The following RFX3 variants were observed in gnomAD, a reference collection of about 807,000 sequenced individuals.
RFX3 encodes transcription factor RFX3.
In RFX3, 14 loss-of-function variants were observed where a neutral mutation model predicts 98.6. The ratio of observed to expected loss-of-function variants is 0.14; its 90% CI spans 0.09 to 0.22. The LOEUF is 0.22. Among genes scored for constraint, RFX3 ranks in the 10% least tolerant of loss-of-function variants. The pLI is 1.00. For missense variants in RFX3, 639 were observed against 926.9 expected, an observed-to-expected ratio of 0.69 and a Z score of 4.03; for synonymous variants, 383 against 328.4, an observed-to-expected ratio of 1.17 and a Z score of -1.80.
intron 9 of RFX3, among the ~76,000 whole-genome samples, chr9:3,271,877 G>A (rs949569918): frequency 2.0e-5 from 3 of 152,090 alleles, no homozygotes; most frequent in Non-Finnish European, 4.4e-5. Context: ...CTGCCTCTCT[G>A]GGCATAGCAT....
intron 4 of RFX3, among the ~76,000 whole-genome samples, chr9:3,320,768 CATATATATATATATATATATATAT>C (rs34990458): frequency 0.01 from 874 of 85,898 alleles, 16 homozygotes; most frequent in Non-Finnish European, 0.015. Context: ...TGCTACATAG[CATATATATATATATATATATATAT>C]ATATATATAT....
chr9:3,362,675 A>T (rs1385885224), intron 2 of RFX3, among the ~76,000 whole-genome samples: 1 of 152,196 alleles, frequency 6.6e-6, no homozygotes, highest in Non-Finnish European at 1.5e-5. Context: ...TCTTGAGAAG[A>T]ATAATATGAA....
intron 1 of RFX3, chr9:3,400,204 G>A: frequency 1.0e-6 from 1 of 980,270 alleles, no homozygotes; most frequent in Non-Finnish European, 1.2e-6. Context: ...GCTGCACAAA[G>A]ACAAGTAAGA....
At position 3,270,414 on chromosome 9, in the gene RFX3, A is replaced by G; in HGVS notation, c.1314T>C (p.Ala438=). ...MCNCDHGMYQ[A]LVEILIPDVL... is the part of the protein sequence containing the mutation. ...CGTCGGGGATGAGAATCTCCACCAA[A>G]GCCTGGTACATCCCATGGTCACAGT... Residue 438 remains alanine (A), a synonymous_variant, in exon 11 of 17, where the codon GCT becomes GCC. Transcript: ENST00000617270. 6.2e-7 allele frequency: 1 copy of G among 1,613,828 alleles called. No individual in the cohort carries two copies. Among genetic ancestry groups the G allele is most frequent in the African/African-American group, 1.3e-5 (1 of 75,032 alleles).
intron 9 of RFX3, among the ~76,000 whole-genome samples, chr9:3,272,377 G>C (rs565201428): frequency 6.6e-6 from 1 of 152,240 alleles, no homozygotes; most frequent in African/African-American, 2.4e-5. Context: ...CTTCATATTT[G>C]TTGAGTTTGG....
chr9:3,403,428 T>C (rs1429124488), intron 1 of RFX3, among the ~76,000 whole-genome samples: 3 of 152,162 alleles, frequency 2.0e-5, no homozygotes, highest in South Asian at 2.1e-4. Flanking sequence ...AATTGATCTG[T>C]AGAAAAATGA....
chr9:3,505,822 G>A (rs1246272303), intron 1 of RFX3, among the ~76,000 whole-genome samples: 1 of 148,450 alleles, frequency 6.7e-6, no homozygotes, highest in Non-Finnish European at 1.5e-5. Flanking sequence ...CCATAGCATT[G>A]ACAACCATCT....
chr9:3,477,858 G>T (rs752638943), intron 1 of RFX3, among the ~76,000 whole-genome samples: 1 of 152,026 alleles, frequency 6.6e-6, no homozygotes, highest in Non-Finnish European at 1.5e-5. Flanking sequence ...TCCTCACATT[G>T]AACAATCTCT....
At chr9:3,517,534 C>T (rs1229840968) in intron 1 of RFX3, among the ~76,000 whole-genome samples, 1 of 152,130 alleles carries the variant, frequency 6.6e-6, no homozygotes, top group Non-Finnish European at 1.5e-5. Flanking sequence ...CAAGAACCTT[C>T]AGAAATCTTG....
At chr9:3,368,081 C>G (rs933911062) in intron 2 of RFX3, among the ~76,000 whole-genome samples, 1 of 152,188 alleles carries the variant, frequency 6.6e-6, no homozygotes, top group Non-Finnish European at 1.5e-5. Context: ...CTCAGTTCCA[C>G]TAGCATAAAT....
rs375165507 is a variant in RFX3, at chr9:3,401,074, CCAA to C, written c.-8-5481_-8-5479del. Among the ~76,000 whole-genome samples the C allele has an allele frequency of 8.2e-4, 125 of 152,266 alleles. 3 individuals carry two copies. In the South Asian group the frequency reaches 0.025, roughly 30 times the overall value. Reference sequence around the variant, plus strand: ...AATCGATATTACATGATTTACACTTCCAACAACAACAGAAAGACATCCCCTCTC... The same window carrying C: ...AATCGATATTACATGATTTACACTTCCAACAACAGAAAGACATCCCCTCTC... On this transcript the variant is annotated intron_variant, in intron 1 of 16. Transcript: ENST00000617270.
At chr9:3,404,081 T>C (rs1841734927) in intron 1 of RFX3, among the ~76,000 whole-genome samples, 1 of 152,142 alleles carries the variant, frequency 6.6e-6, no homozygotes, top group South Asian at 2.1e-4. Context: ...TATAATAACA[T>C]TGCTAATAAT....
At chr9:3,412,684 T>A (rs1462207565) in intron 1 of RFX3, among the ~76,000 whole-genome samples, 1 of 152,118 alleles carries the variant, frequency 6.6e-6, no homozygotes, top group Non-Finnish European at 1.5e-5. Flanking sequence ...CTTAAAATAA[T>A]AGGATTCTGT....
chr9:3,451,952 C>T (rs567070124), intron 1 of RFX3, among the ~76,000 whole-genome samples: 72 of 151,596 alleles, frequency 4.7e-4, no homozygotes, highest in African/African-American at 1.7e-3. Context: ...TACAATTCTT[C>T]GTTACACTCT....
chr9:3,385,726 A>G (rs951928983), intron 2 of RFX3, among the ~76,000 whole-genome samples: 1 of 146,804 alleles, frequency 6.8e-6, no homozygotes, highest in African/African-American at 2.6e-5. Context: ...AAAAGAAAAG[A>G]AAACTCCTTG....
intron 2 of RFX3, among the ~76,000 whole-genome samples, chr9:3,348,201 A>T (rs756239923): frequency 6.6e-6 from 1 of 152,190 alleles, no homozygotes; most frequent in Non-Finnish European, 1.5e-5. Context: ...GCATCCTGAA[A>T]TGTCATTTAA....
chr9:3,497,639 T>A lies in RFX3; in HGVS notation c.-9+28108A>T, dbSNP rs73387745. ...ATGGGAAATGCCACTGTGGACAAAC[T>A]ATTATTACAGGAATGTGAAAGAATA... On this transcript the variant is annotated intron_variant, in intron 1 of 16. Transcript: ENST00000617270. Among the ~76,000 whole-genome samples the A allele has an allele frequency of 3.0e-3, 460 of 151,988 alleles. 6 individuals are homozygous for A. The highest frequency in any genetic ancestry group is 0.011 in the African/African-American group (439 of 41,498).
chr9:3,380,718 C>T (rs1202407434), intron 2 of RFX3, among the ~76,000 whole-genome samples: 2 of 152,104 alleles, frequency 1.3e-5, no homozygotes, highest in African/African-American at 4.8e-5. Flanking sequence ...GAAGTATTAC[C>T]AACCAAAATG....
At chr9:3,272,425 C>T (rs530244005) in intron 9 of RFX3, among the ~76,000 whole-genome samples, 1 of 152,086 alleles carries the variant, frequency 6.6e-6, no homozygotes, top group Non-Finnish European at 1.5e-5. Context: ...ATGATACACA[C>T]AATAACTGGT....
Sources: allele counts gnomAD v4.1 joint callset (sites outside exome capture counted in the v4.1 genomes callset), GRCh38; gene constraint gnomAD v4.1.1; transcripts MANE v1.5; gene names NCBI Gene and HGNC (gene_info 2026-07-23, HGNC 2026-07-21).